The following CDCA8 variants were observed in gnomAD, a reference collection of about 807,000 sequenced individuals.
CDCA8 encodes cell division cycle associated 8.
A neutral mutation model predicts 40.0 loss-of-function variants in CDCA8; 25 were observed. The ratio of observed to expected loss-of-function variants is 0.63; its 90% CI spans 0.46 to 0.87. The LOEUF is 0.87. CDCA8 is among the 40% of genes least tolerant of loss of function. The pLI, the probability that CDCA8 is intolerant of heterozygous loss-of-function variation, is 0.00. For synonymous variants in CDCA8, 111 were observed against 126.5 expected (o/e 0.88, Z 0.82); for missense variants, 280 against 348.4 (o/e 0.80, Z 1.56).
chr1:37,706,323 G>A (rs1488477119), intron 8 of CDCA8, among the ~76,000 whole-genome samples: 3 of 151,796 alleles, frequency 2.0e-5, no homozygotes, highest in Admixed American at 2.0e-4. Context: ...GGTCAAGCTG[G>A]TCTCAAACTC....
At chr1:37,706,107 CT>C (rs36029061) in intron 8 of CDCA8, among the ~76,000 whole-genome samples, 29,154 of 107,408 alleles carry the variant, frequency 0.27, 3,156 homozygotes, top group Non-Finnish European at 0.28. Flanking sequence ...CCGTGCCCAC[CT>C]TTTTTTTTTT....
chr1:37,699,561 GTC>G (rs1429976000), intron 4 of CDCA8, among the ~76,000 whole-genome samples: 4 of 147,160 alleles, frequency 2.7e-5, no homozygotes, highest in Non-Finnish European at 5.9e-5. Context: ...GTGAGACCTT[GTC>G]TCTGAAAAAA....
chr1:37,706,239 C>G (rs560496949), intron 8 of CDCA8, among the ~76,000 whole-genome samples: 1 of 152,104 alleles, frequency 6.6e-6, no homozygotes, highest in African/African-American at 2.4e-5. Context: ...TCCTGAGTAA[C>G]TGGGACTACA....
intron 6 of CDCA8, among the ~76,000 whole-genome samples, chr1:37,702,299 C>CA (rs1553132223): frequency 1.4e-5 from 2 of 146,274 alleles, no homozygotes; most frequent in Non-Finnish European, 3.0e-5. Context: ...TCAGCCCCCA[C>CA]TTTTTTTTTT....
intron 4 of CDCA8, among the ~76,000 whole-genome samples, chr1:37,699,591 GA>G (rs1407554956): frequency 1.2e-3 from 1 of 832 alleles, no homozygotes; most frequent in Non-Finnish European, 2.2e-3. Flanking sequence ...AGAAAGAAAG[GA>G]AAGGAAAGGA....
intron 8 of CDCA8, 107 bp downstream of exon 8, chr1:37,705,674 G>A: frequency 2.2e-6 from 3 of 1,334,866 alleles, no homozygotes; most frequent in Non-Finnish European, 3.1e-6. Flanking sequence ...TTCAGTGCGT[G>A]GGTCCTGATC....
chr1:37,701,046 A>T (rs1645559671), intron 5 of CDCA8, among the ~76,000 whole-genome samples: 1 of 152,198 alleles, frequency 6.6e-6, no homozygotes, highest in Non-Finnish European at 1.5e-5. Context: ...GTGGTGGAGC[A>T]CATGCCAATT....
At chr1:37,703,144 G>C in intron 6 of CDCA8, 108 bp from the exon 7 acceptor site, 2 of 843,896 alleles carry the variant, frequency 2.4e-6, no homozygotes, top group Non-Finnish European at 4.1e-6. Flanking sequence ...ATGTGTGCGA[G>C]GCGCCCGGAG....
chr1:37,693,908 C>T (rs1040551648), intron 2 of CDCA8, among the ~76,000 whole-genome samples: 10 of 151,734 alleles, frequency 6.6e-5, no homozygotes, highest in Non-Finnish European at 8.8e-5. Context: ...GAGGCTGAGG[C>T]GGGCAGATGA....
intron 4 of CDCA8, among the ~76,000 whole-genome samples, chr1:37,699,680 GA>G (rs1645550682): frequency 6.6e-6 from 1 of 152,244 alleles, no homozygotes. Flanking sequence ...AGCACTTTGG[GA>G]GGCCGAGGTG....
intron 9 of CDCA8, 40 bp from the exon 10 acceptor site, chr1:37,708,282 G>A: frequency 2.5e-6 from 4 of 1,605,552 alleles, no homozygotes; most frequent in Non-Finnish European, 3.4e-6. Flanking sequence ...AGCCTGCCAA[G>A]TGACATCTTC....
intron 5 of CDCA8, 143 bp downstream of exon 5, chr1:37,700,664 A>T (rs1645557707): frequency 1.6e-6 from 1 of 621,178 alleles, no homozygotes; most frequent in African/African-American, 1.8e-5. Context: ...GAGATAATTG[A>T]CTGGTGTGCA....
chr1:37,703,485 G>A, intron 7 of CDCA8, 138 bp downstream of exon 7: 1 of 685,008 alleles, frequency 1.5e-6, no homozygotes, highest in Non-Finnish European at 2.7e-6. Flanking sequence ...AGAGGCCGAG[G>A]CAGGCGGATC....
intron 3 of CDCA8, among the ~76,000 whole-genome samples, chr1:37,697,497 C>A (rs878991780): frequency 8.5e-5 from 13 of 152,220 alleles, no homozygotes; most frequent in East Asian, 5.8e-4. Flanking sequence ...CTGCCTAGCA[C>A]ATGTCAAAAT....
intron 2 of CDCA8, among the ~76,000 whole-genome samples, chr1:37,694,408 G>A (rs1208433335): frequency 1.3e-5 from 2 of 152,184 alleles, no homozygotes; most frequent in African/African-American, 2.4e-5. Flanking sequence ...CAAATACTGA[G>A]CATGTGTCAG....
chr1:37,701,744 G>A lies in CDCA8; in HGVS notation c.424-10G>A. ...TTTGTAACCTTAGTCTCATTTGATT[G>A]TGACTGCAGGTCAAAAGGTGTCCTC... On this transcript the variant is annotated splice_polypyrimidine_tract_variant and intron_variant, in intron 5 of 9. Coordinates refer to ENST00000373055, the MANE Select transcript of CDCA8 (RefSeq NM_001256875.2). The A allele has an allele frequency of 4.4e-6, 7 of 1,593,102 alleles. No individual in the cohort carries two copies. Among genetic ancestry groups the A allele is most frequent in the Non-Finnish European group, 5.2e-6 (6 of 1,164,824 alleles).
rs930812948 is a variant in CDCA8, at chr1:37,709,689, A to G, written c.*1323A>G. On this transcript the variant is annotated 3_prime_UTR_variant, in exon 10 of 10. Transcript: ENST00000373055. The stretch of plus-strand genomic sequence containing the variant: ...TAATCAGAGCTGGTACCTACTTTCA[A>G]TAAATTCTGGTTTTGTGTTTTCTTT... 2 of 152,120 alleles carry G rather than the reference A, an allele frequency of 1.3e-5. No homozygotes were observed. The highest frequency in any genetic ancestry group is 4.8e-5 in the African/African-American group (2 of 41,402). 9.4% of individuals were successfully genotyped at this position (152,120 alleles called of 1,614,324 possible).
At chr1:37,692,870 G>T in intron 1 of CDCA8, 35 bp from the exon 2 acceptor site, 1 of 1,613,402 alleles carries the variant, frequency 6.2e-7, no homozygotes, top group Non-Finnish European at 8.5e-7. Context: ...TCGCCCGCCC[G>T]TGACCCGTGT....
intron 8 of CDCA8, among the ~76,000 whole-genome samples, chr1:37,706,401 C>T (rs1645601961): frequency 6.6e-6 from 1 of 152,240 alleles, no homozygotes; most frequent in Non-Finnish European, 1.5e-5. Context: ...AGCCACCACA[C>T]CCGGCCTCCA....
Sources: gnomAD v4.1 joint callset for allele counts (sites outside exome capture counted in the v4.1 genomes callset) on GRCh38, gnomAD v4.1.1 for gene constraint, MANE v1.5 for transcripts, NCBI Gene and HGNC (gene_info 2026-07-23, HGNC 2026-07-21) for gene names.